RBFOX1: variants seen among roughly 807,000 people sequenced by gnomAD.
RBFOX1 encodes the protein RNA binding fox-1 homolog 1, also known as RNA binding protein fox-1 homolog 1.
A neutral mutation model predicts 57.7 loss-of-function variants in RBFOX1; 8 were observed. The observed-to-expected ratio is 0.14, with a 90% CI of 0.08 to 0.25. The LOEUF (loss-of-function observed/expected upper bound fraction) is 0.25. RBFOX1 is among the 10% of genes least tolerant of loss of function. The probability of loss-of-function intolerance (pLI) is 1.00; values close to 1 mark genes in which losing one functional copy is unlikely to be tolerated. For synonymous variants in RBFOX1, 326 were observed against 222.4 expected, an observed-to-expected ratio of 1.47 and a Z score of -4.15; for missense variants, 611 against 548.5, an observed-to-expected ratio of 1.11 and a Z score of -1.14.
intron 1 of RBFOX1, among the ~76,000 whole-genome samples, chr16:6,094,684 C>G (rs941618914): frequency 6.6e-6 from 1 of 152,200 alleles, no homozygotes; most frequent in African/African-American, 2.4e-5. Flanking sequence ...TGCATCTTAT[C>G]CTATGACTCA....
intron 4 of RBFOX1, among the ~76,000 whole-genome samples, chr16:7,238,935 C>T (rs988823889): frequency 2.0e-5 from 3 of 152,084 alleles, no homozygotes; most frequent in Admixed American, 6.5e-5. Flanking sequence ...GAATGAGAGC[C>T]TCCAGTTTCA....
intron 4 of RBFOX1, among the ~76,000 whole-genome samples, chr16:7,064,542 A>G (rs1204328022): frequency 6.6e-6 from 1 of 152,076 alleles, no homozygotes; most frequent in Non-Finnish European, 1.5e-5. Flanking sequence ...ACCCAAAGGG[A>G]GATGATCACC....
chr16:7,380,221 A>G (rs1321776187), intron 4 of RBFOX1, among the ~76,000 whole-genome samples: 1 of 152,220 alleles, frequency 6.6e-6, no homozygotes. Context: ...TTTTAGAGTC[A>G]GAAATGCTCA....
At chr16:7,509,896 A>C (rs1196416048) in intron 4 of RBFOX1, among the ~76,000 whole-genome samples, 2 of 152,010 alleles carry the variant, frequency 1.3e-5, no homozygotes, top group African/African-American at 4.8e-5. Context: ...GAAAAATTCC[A>C]GCTCCAGGCG....
At chr16:7,709,156 T>A (rs1191694490) in intron 15 of RBFOX1, 25 bp downstream of exon 15, 1 of 1,582,760 alleles carries the variant, frequency 6.3e-7, no homozygotes. Context: ...CTCCTTGTCC[T>A]CACTTCCTCC....
chr16:6,257,014 A>G (rs1392576344), intron 1 of RBFOX1, among the ~76,000 whole-genome samples: 1 of 152,172 alleles, frequency 6.6e-6, no homozygotes, highest in Non-Finnish European at 1.5e-5. Context: ...AACTTTGAGA[A>G]AGAAGAATGA....
chr16:7,621,184 A>C (rs548098967), intron 10 of RBFOX1, among the ~76,000 whole-genome samples: 2 of 152,320 alleles, frequency 1.3e-5, no homozygotes, highest in Non-Finnish European at 2.9e-5. Context: ...AACATCTTGC[A>C]AGATAGAACT....
chr16:7,649,352 A>G (rs1038390594), intron 11 of RBFOX1, among the ~76,000 whole-genome samples: 1 of 152,216 alleles, frequency 6.6e-6, no homozygotes, highest in Non-Finnish European at 1.5e-5. Context: ...TGTTCACAAG[A>G]TATTGGGATA....
intron 10 of RBFOX1, among the ~76,000 whole-genome samples, chr16:7,623,373 G>A (rs9939631): frequency 4.6e-5 from 7 of 151,974 alleles, no homozygotes; most frequent in Admixed American, 1.3e-4. Flanking sequence ...TGTAGAATCA[G>A]TGGGAGCCCT....
intron 4 of RBFOX1, among the ~76,000 whole-genome samples, chr16:7,211,967 C>G (rs191732958): frequency 1.3e-5 from 2 of 152,160 alleles, no homozygotes; most frequent in Non-Finnish European, 2.9e-5. Context: ...CCCTCCTACC[C>G]ACCCCTTCTC....
Position 6,207,698 on chromosome 16 carries a change from T to A in RBFOX1, c.-126-109297T>A, listed in dbSNP as rs2097264233. Among the ~76,000 whole-genome samples the A allele has an allele frequency of 2.0e-5, 3 of 152,246 alleles. No homozygotes were observed. The South Asian group carries it at 6.2e-4, about 32-fold the overall frequency. On this transcript the variant is annotated intron_variant, in intron 1 of 15. Coordinates refer to ENST00000550418, the MANE Select transcript of RBFOX1 (RefSeq NM_018723.4). ...AGTAGACATTTTATTTTATTTTATT[T>A]ATTTTTTGAGACAGGGCCTCACTCT...
intron 1 of RBFOX1, among the ~76,000 whole-genome samples, chr16:5,403,017 C>T (rs535575267): frequency 6.6e-6 from 1 of 152,308 alleles, no homozygotes; most frequent in South Asian, 2.1e-4. Flanking sequence ...CATGCATGCA[C>T]ACACGTATAC....
chr16:5,284,283 G>C (rs2063339069), intron 1 of RBFOX1, among the ~76,000 whole-genome samples: 1 of 152,128 alleles, frequency 6.6e-6, no homozygotes, highest in African/African-American at 2.4e-5. Context: ...TGTGAAAACA[G>C]ACTAATACAC....
intron 3 of RBFOX1, among the ~76,000 whole-genome samples, chr16:6,928,148 G>C (rs184003668): frequency 6.6e-6 from 1 of 152,258 alleles, no homozygotes; most frequent in Admixed American, 6.5e-5. Flanking sequence ...TGTGATTGGG[G>C]TTTTCAGCAT....
At chr16:7,127,721 G>A (rs1041823066) in intron 4 of RBFOX1, among the ~76,000 whole-genome samples, 1 of 152,190 alleles carries the variant, frequency 6.6e-6, no homozygotes, top group Non-Finnish European at 1.5e-5. Context: ...GGTTGTATAT[G>A]CTTCAAAACG....
At chr16:5,588,996 G>A (rs922306180) in intron 2 of RBFOX1, among the ~76,000 whole-genome samples, 45 of 152,214 alleles carry the variant, frequency 3.0e-4, no homozygotes, top group Admixed American at 1.3e-4. Context: ...CCTCATAGGA[G>A]CAGTTTGTTA....
At chr16:7,446,065 C>G (rs548682185) in intron 4 of RBFOX1, among the ~76,000 whole-genome samples, 1 of 152,158 alleles carries the variant, frequency 6.6e-6, no homozygotes. Context: ...CCCTGCTACT[C>G]CATCTTGTCT....
rs1555443834 is a variant in RBFOX1, at chr16:5,908,189, C to CACAT, written c.351+40855_351+40856insCATA. Among the ~76,000 whole-genome samples, 371 of 90,082 alleles carry CACAT rather than the reference C, an allele frequency of 4.1e-3. 4 individuals are homozygous for CACAT. The highest frequency in any genetic ancestry group is 5.3e-3 in the African/African-American group (127 of 23,804). 59.1% of individuals were successfully genotyped at this position (90,082 alleles called of 152,430 possible). ...ATACACATATATACACATATATACA[C>CACAT]ATATATACATATACACACATATATA... On this transcript the variant is annotated intron_variant, in intron 4 of 19. Transcript: ENST00000641259.
chr16:7,372,612 T>C (rs1415275221), intron 4 of RBFOX1, among the ~76,000 whole-genome samples: 2 of 152,146 alleles, frequency 1.3e-5, no homozygotes, highest in African/African-American at 4.8e-5. Context: ...CAATTAGTAA[T>C]GTCTGCTAAG....
Sources: allele counts gnomAD v4.1 joint callset (sites outside exome capture counted in the v4.1 genomes callset), GRCh38; gene constraint gnomAD v4.1.1; transcripts MANE v1.5; gene names NCBI Gene and HGNC (gene_info 2026-07-23, HGNC 2026-07-21).